Variants in MXRA5 observed in about 807,000 individuals in gnomAD.
MXRA5 encodes matrix-remodeling-associated protein 5.
Under a neutral mutation model 112.5 loss-of-function variants are expected in MXRA5, and 41 were observed. The observed-to-expected ratio is 0.36, with a 90% CI of 0.28 to 0.47. MXRA5 has a LOEUF of 0.47. Ranked by LOEUF, MXRA5 falls within the 20% of genes least tolerant of loss-of-function variation. MXRA5 has a pLI of 0.99. For missense variants in MXRA5, 2,150 were observed against 2,251.0 expected (o/e 0.96, Z 0.91); for synonymous variants, 862 against 900.8 (o/e 0.96, Z 0.77).
Position 3,324,640 on chromosome X carries a change from G to T in MXRA5, c.1045C>A (p.Gln349Lys), listed in dbSNP as rs1603468016. The T allele has an allele frequency of 2.5e-6, 3 of 1,210,766 alleles. No individual in the cohort carries two copies. Among genetic ancestry groups the T allele is most frequent in the Non-Finnish European group, 3.4e-6 (3 of 894,723 alleles). ...ATGTCAATATCTGGAGGATCCGTTT[G>T]GTTCAAGTGAATCTTGTACACATCC... is the stretch of plus-strand genomic sequence containing the variant. ...PMDVYKIHLN[Q>K]TDPPDIDINA... The change falls in exon 5 of 7, where the codon CAA becomes AAA. Residue 349 changes from glutamine to lysine, a missense_variant. Gln to Lys is a moderately conservative substitution (Grantham distance 53, BLOSUM62 1). Transcript: ENST00000217939.
intron 1 of MXRA5, among the ~76,000 whole-genome samples, chrX:3,345,656 A>C (rs1922090483): frequency 8.9e-6 from 1 of 112,937 alleles, no homozygotes; most frequent in South Asian, 3.6e-4. Context: ...GCCTGGCGCC[A>C]GCTAGGCCGC....
intron 1 of MXRA5, among the ~76,000 whole-genome samples, chrX:3,345,084 G>A (rs1922076312): frequency 8.9e-6 from 1 of 112,113 alleles, no homozygotes; most frequent in African/African-American, 3.2e-5. Flanking sequence ...GGTGAACCGA[G>A]ATCGAGCCAT....
At chrX:3,331,035 T>A (rs1921652867) in intron 2 of MXRA5, among the ~76,000 whole-genome samples, 1 of 111,290 alleles carries the variant, frequency 9.0e-6, no homozygotes, top group African/African-American at 3.3e-5. Context: ...CCCAAGTAGC[T>A]GGAACTACAG....
chrX:3,343,039 T>C (rs1216524036), intron 2 of MXRA5, among the ~76,000 whole-genome samples: 3 of 112,551 alleles, frequency 2.7e-5, no homozygotes, highest in Non-Finnish European at 5.6e-5. Context: ...TGAGCACCTG[T>C]AGTTCATAGC....
Position 3,322,650 on chromosome X carries a change from G to A in MXRA5, c.3035C>T (p.Ser1012Phe). 1 of 1,211,606 alleles carries A rather than the reference G, an allele frequency of 8.3e-7. No homozygotes were observed. The highest frequency in any genetic ancestry group is 1.1e-6 in the Non-Finnish European group (1 of 895,332). ...TPTPTIWVND[S>F]STSQLFEDST... is the part of the protein sequence containing the mutation. ...ATCCTCAAATAACTGTGATGTACTG[G>A]AGTCATTAACCCAGATGGTGGGGGT... Residue 1012 changes from serine to phenylalanine, a missense_variant, in exon 5 of 7, where the codon TCC becomes TTC. Transcript: ENST00000217939.
intron 1 of MXRA5, 109 bp from the exon 2 acceptor site, chrX:3,343,970 C>T: frequency 1.7e-6 from 1 of 592,695 alleles, no homozygotes; most frequent in Middle Eastern, 5.3e-4. Flanking sequence ...CCCAGGACTT[C>T]ACACGATGTG....
chrX:3,327,288 T>C (rs756907263), intron 4 of MXRA5, among the ~76,000 whole-genome samples: 1 of 111,485 alleles, frequency 9.0e-6, no homozygotes, highest in Non-Finnish European at 1.9e-5. Context: ...GTTTTGCACA[T>C]CTCCCCCCAA....
intron 2 of MXRA5, among the ~76,000 whole-genome samples, chrX:3,332,223 A>C (rs1276614546): frequency 9.2e-6 from 1 of 109,157 alleles, no homozygotes; most frequent in Non-Finnish European, 1.9e-5. Flanking sequence ...CTTTTCAAAG[A>C]CCTCCTTTCA....
In MXRA5 at chrX:3,343,860, A is replaced by G. The variant is rs200355553; in HGVS notation, c.-27T>C. On this transcript the variant is annotated splice_region_variant and 5_prime_UTR_variant, in exon 2 of 7. Coordinates refer to ENST00000217939, the MANE Select transcript of MXRA5 (RefSeq NM_015419.4). Reference sequence around the variant, plus strand: ...TTGTCGGGGTGCCTGATTCTCGGATACCTGAGGTAGAACAACGAAGAGATG... The same window carrying G: ...TTGTCGGGGTGCCTGATTCTCGGATGCCTGAGGTAGAACAACGAAGAGATG... 9.9e-4 allele frequency: 1,173 copies of G among 1,182,063 alleles called. 1 individual carries two copies. Among genetic ancestry groups the G allele is most frequent in the Non-Finnish European group, 1.3e-3 (1,114 of 877,236 alleles).
chrX:3,323,165 T>C lies in MXRA5; in HGVS notation c.2520A>G (p.Glu840=), dbSNP rs755085381. ...CAAGTAGAGGTACATCTGCTGAGGA[T>C]TCTTCAGCACTGGTTACTGTCTGCA... ...SPVQTVTSAE[E]SSADVPLLGE... is the part of the protein sequence containing the mutation. The change falls in exon 5 of 7, where the codon GAA becomes GAG. Residue 840 remains glutamate (E), a synonymous_variant. Coordinates refer to ENST00000217939, the MANE Select transcript of MXRA5 (RefSeq NM_015419.4). 6 of 1,209,224 alleles carry C rather than the reference T, an allele frequency of 5.0e-6. No individual in the cohort carries two copies. In the African/African-American group the frequency reaches 7.0e-5, roughly 14 times the overall value.
intron 6 of MXRA5, among the ~76,000 whole-genome samples, chrX:3,316,238 C>G (rs1256532726): frequency 3.0e-5 from 1 of 33,265 alleles, no homozygotes; most frequent in African/African-American, 2.0e-4. Flanking sequence ...GGCGTGAACC[C>G]GGGAGGCGGA....
intron 2 of MXRA5, among the ~76,000 whole-genome samples, chrX:3,334,004 C>T (rs1231527797): frequency 2.7e-5 from 3 of 111,287 alleles, no homozygotes; most frequent in Non-Finnish European, 5.7e-5. Flanking sequence ...TCTCTCAAGA[C>T]AGGGTCTGGC....
chrX:3,326,050 TATTTATATATATTTATACATAAATAC>T (rs1569184870), intron 4 of MXRA5, among the ~76,000 whole-genome samples: 4 of 69,369 alleles, frequency 5.8e-5, no homozygotes, highest in Non-Finnish European at 9.8e-5. Flanking sequence ...TATATAAATA[TATTTATATATATTTATACATAAATAC>T]ATTTATATAT....
chrX:3,312,564 T>C (rs1309775998), intron 6 of MXRA5, among the ~76,000 whole-genome samples: 7 of 107,844 alleles, frequency 6.5e-5, no homozygotes, highest in African/African-American at 2.0e-4. Flanking sequence ...CACTTTCTTT[T>C]TTTTTTTTTT....
At chrX:3,337,540 CCT>C (rs1921809860) in intron 2 of MXRA5, among the ~76,000 whole-genome samples, 1 of 111,991 alleles carries the variant, frequency 8.9e-6, no homozygotes, top group Admixed American at 9.6e-5. Flanking sequence ...TATCTATAAT[CCT>C]CTCTATCAAT....
chrX:3,314,475 T>C (rs1197849658), intron 6 of MXRA5, among the ~76,000 whole-genome samples: 1 of 111,183 alleles, frequency 9.0e-6, no homozygotes, highest in African/African-American at 3.3e-5. Context: ...GATAGATGAG[T>C]AGACAGATAG....
chrX:3,315,386 A>G (rs1921080283), intron 6 of MXRA5, among the ~76,000 whole-genome samples: 13 of 36,905 alleles, frequency 3.5e-4, no homozygotes, highest in Middle Eastern at 0.014. Flanking sequence ...AGATAGATAG[A>G]TAGATGATAG....
chrX:3,317,292 G>C lies in MXRA5; in HGVS notation c.6389C>G (p.Ser2130Cys). ...YECVAANLVGSARRTVQLNVQ... is the reference protein window; with the variant it reads ...YECVAANLVGCARRTVQLNVQ... ...GTTCAGCTGCACCGTCCTGCGCGCG[G>C]AGCCTACCAGGTTGGCGGCCACGCA... Residue 2130 changes from serine to cysteine, a missense_variant, in exon 6 of 7, where the codon TCC (serine) becomes TGC (cysteine). By Grantham distance (112) the Ser-to-Cys change is moderately radical. Coordinates refer to ENST00000217939, the MANE Select transcript of MXRA5 (RefSeq NM_015419.4). The C allele has an allele frequency of 8.3e-7, 1 of 1,206,106 alleles. No homozygotes were observed. Among genetic ancestry groups the C allele is most frequent in the Non-Finnish European group, 1.1e-6 (1 of 892,211 alleles).
intron 1 of MXRA5, among the ~76,000 whole-genome samples, chrX:3,345,377 TTC>T (rs1922083046): frequency 8.9e-6 from 1 of 112,379 alleles, no homozygotes; most frequent in African/African-American, 3.3e-5. Context: ...CCTCGGAGTT[TTC>T]TCTCTCGCCA....
Sources: allele counts gnomAD v4.1 joint callset (sites outside exome capture counted in the v4.1 genomes callset), GRCh38; gene constraint gnomAD v4.1.1; transcripts MANE v1.5; gene names NCBI Gene and HGNC (gene_info 2026-07-23, HGNC 2026-07-21).